The following PTPN5 variants were observed in gnomAD, a reference collection of about 807,000 sequenced individuals.
PTPN5 encodes the protein tyrosine-protein phosphatase non-receptor type 5.
Under a neutral mutation model 73.9 loss-of-function variants are expected in PTPN5, and 29 were observed. The observed-to-expected ratio is 0.39, with a 90% CI of 0.29 to 0.54. PTPN5 has a LOEUF of 0.54. Among genes scored for constraint, PTPN5 ranks in the 20% least tolerant of loss-of-function variants. PTPN5 has a pLI of 0.65. For missense variants in PTPN5, 652 were observed against 751.4 expected, an observed-to-expected ratio of 0.87 and a Z score of 1.55; for synonymous variants, 267 against 304.7, an observed-to-expected ratio of 0.88 and a Z score of 1.29.
chr11:18,771,945 C>T lies in PTPN5; in HGVS notation c.14G>A (p.Gly5Glu), dbSNP rs752519944. ...GGCGTAAACGCTCACTCACCTGGCT[C>T]CCTCATAATTCATTCCCAAGGTGTC... is the stretch of plus-strand genomic sequence containing the variant. Reference protein sequence around the residue: MNYEGARSERENHAA... With the variant: MNYEEARSERENHAA... Residue 5 changes from glycine (G) to glutamate (E), a missense_variant, in exon 2 of 15, where the codon GGA becomes GAA. Gly to Glu is a moderately conservative substitution (Grantham distance 98). Coordinates refer to ENST00000358540, the MANE Select transcript of PTPN5 (RefSeq NM_006906.2). 6.3e-7 allele frequency: 1 copy of T among 1,587,576 alleles called. No homozygotes were observed. Among genetic ancestry groups the T allele is most frequent in the Non-Finnish European group, 8.5e-7 (1 of 1,170,052 alleles).
chr11:18,773,285 A>G (rs1850994164), intron 1 of PTPN5, among the ~76,000 whole-genome samples: 1 of 120,856 alleles, frequency 8.3e-6, no homozygotes, highest in South Asian at 2.9e-4. Flanking sequence ...TAAAAGCTGG[A>G]GCACCTGGGG....
intron 1 of PTPN5, among the ~76,000 whole-genome samples, chr11:18,790,987 G>A (rs1011629759): frequency 6.6e-6 from 1 of 152,180 alleles, no homozygotes; most frequent in South Asian, 2.1e-4. Flanking sequence ...AGGAGCCTGG[G>A]CCTCAACCAG....
At chr11:18,757,597 C>T (rs1273317843) in intron 3 of PTPN5, among the ~76,000 whole-genome samples, 1 of 144,852 alleles carries the variant, frequency 6.9e-6, no homozygotes, top group African/African-American at 2.5e-5. Flanking sequence ...TGTGTGTATT[C>T]CTAGAACTGG....
Position 18,743,095 on chromosome 11 carries a change from C to T in PTPN5, c.400-20G>A. 1 of 1,523,612 alleles carries T rather than the reference C, an allele frequency of 6.6e-7. No homozygotes were observed. Among genetic ancestry groups the T allele is most frequent in the East Asian group, 2.5e-5 (1 of 40,788 alleles). The allele number at this position is 1,523,612 out of a possible 1,614,324, so 94.4% of individuals were successfully genotyped here. Reference sequence around the variant, plus strand: ...CCAGGCCTGGGGAACATCAGATAAACAGGTCAGGGTGGTGGTGGGGGCAGA... The same window carrying T: ...CCAGGCCTGGGGAACATCAGATAAATAGGTCAGGGTGGTGGTGGGGGCAGA... On this transcript the variant is annotated intron_variant, in intron 5 of 14. Transcript: ENST00000358540.
At chr11:18,788,491 A>G (rs183341255) in intron 1 of PTPN5, among the ~76,000 whole-genome samples, 7 of 152,214 alleles carry the variant, frequency 4.6e-5, no homozygotes, top group Non-Finnish European at 1.0e-4. Flanking sequence ...TTCTGTATAT[A>G]TCCTAGAAGT....
In PTPN5 at chr11:18,778,736, T is replaced by C. The variant is rs182973667; in HGVS notation, c.-113-6665A>G. ...CCCTGCTTCCTGTACAGGCTGGCCATGTGCCAATTAAACCTCTTTTCTTTA... is the reference window on the plus strand; with the variant it reads ...CCCTGCTTCCTGTACAGGCTGGCCACGTGCCAATTAAACCTCTTTTCTTTA... On this transcript the variant is annotated intron_variant, in intron 1 of 14. Coordinates refer to ENST00000358540, the MANE Select transcript of PTPN5 (RefSeq NM_006906.2). Among the ~76,000 whole-genome samples the C allele has an allele frequency of 2.0e-5, 3 of 152,316 alleles. No individual in the cohort carries two copies. In the East Asian group the frequency reaches 5.8e-4, roughly 29 times the overall value.
chr11:18,781,980 G>C (rs1428265412), intron 1 of PTPN5, among the ~76,000 whole-genome samples: 3 of 152,218 alleles, frequency 2.0e-5, no homozygotes, highest in Non-Finnish European at 4.4e-5. Context: ...CCGGAGAGGT[G>C]AAAGCACAAG....
chr11:18,740,613 G>C lies in PTPN5; in HGVS notation c.905C>G (p.Ala302Gly). 1 of 1,567,476 alleles carries C rather than the reference G, an allele frequency of 6.4e-7. No individual in the cohort carries two copies. The highest frequency in any genetic ancestry group is 8.6e-7 in the Non-Finnish European group (1 of 1,156,154). ...EKALDPFLLQ[A>G]EFFEIPMNFV... ...CTCAAGGGAACTCACAAAGAATTCCGCCTGCAGCAGGAAAGGGTCCAGGGC... is the reference window on the plus strand; with the variant it reads ...CTCAAGGGAACTCACAAAGAATTCCCCCTGCAGCAGGAAAGGGTCCAGGGC... The change falls in exon 8 of 15, where the codon GCG becomes GGG. Residue 302 changes from alanine to glycine, a missense_variant. Around this residue, in one of 3 missense-constraint regions of PTPN5, gnomAD observed 529 missense variants for 573.9 expected, o/e 0.92. Transcript: ENST00000358540.
At chr11:18,753,658 G>C (rs1331034643) in intron 3 of PTPN5, among the ~76,000 whole-genome samples, 4 of 152,172 alleles carry the variant, frequency 2.6e-5, no homozygotes, top group Non-Finnish European at 5.9e-5. Context: ...TGGTGGTTCT[G>C]CCCTAGGATG....
chr11:18,774,531 G>A (rs370528347), intron 1 of PTPN5, among the ~76,000 whole-genome samples: 2 of 152,254 alleles, frequency 1.3e-5, no homozygotes, highest in South Asian at 4.1e-4. Context: ...GGGGGCTGGA[G>A]GGGGCTTGAG....
chr11:18,742,384 G>C lies in PTPN5; in HGVS notation c.603C>G (p.Ile201Met), dbSNP rs367543231. The change falls in exon 7 of 15, where the codon ATC becomes ATG. Residue 201 changes from isoleucine to methionine, a missense_variant. This residue lies in a region of PTPN5 where 529 missense variants were observed against 573.9 expected (regional missense o/e 0.92). Coordinates refer to ENST00000358540, the MANE Select transcript of PTPN5 (RefSeq NM_006906.2). The surrounding 1 kb of genome is among the most constrained non-coding windows in gnomAD (Gnocchi z 4.1). ...GGTCGAGGTCCAGGAAGTCATCCTCGATCTTCTCCTCCATCCACTCTGAGT... is the reference window on the plus strand; with the variant it reads ...GGTCGAGGTCCAGGAAGTCATCCTCCATCTTCTCCTCCATCCACTCTGAGT... ...FTYSEWMEEK[I>M]EDDFLDLDPV... 5 of 1,614,012 alleles carry C rather than the reference G, an allele frequency of 3.1e-6. No homozygotes were observed. The highest frequency in any genetic ancestry group is 1.1e-5 in the South Asian group (1 of 91,078).
At chr11:18,773,146 A>G (rs1850984852) in intron 1 of PTPN5, among the ~76,000 whole-genome samples, 1 of 148,672 alleles carries the variant, frequency 6.7e-6, no homozygotes, top group Non-Finnish European at 1.5e-5. Context: ...CTCACTTGGA[A>G]TTTTTTCCTT....
chr11:18,743,789 G>T, intron 4 of PTPN5: 1 of 597,958 alleles, frequency 1.7e-6, no homozygotes, highest in South Asian at 2.5e-5. Context: ...GGATTCTTAG[G>T]TTAGGGAGGC....
At chr11:18,740,569 C>T in intron 8 of PTPN5, 34 bp downstream of exon 8, 2 of 1,500,942 alleles carry the variant, frequency 1.3e-6, no homozygotes, top group South Asian at 1.4e-5. Flanking sequence ...CATGGGTCTG[C>T]ACACAGTGGG....
intron 3 of PTPN5, among the ~76,000 whole-genome samples, chr11:18,764,775 C>G (rs113487894): frequency 1.3e-5 from 2 of 152,110 alleles, no homozygotes; most frequent in African/African-American, 4.8e-5. Context: ...TGCAGTGGCG[C>G]GATCTCGGCT....
intron 3 of PTPN5, among the ~76,000 whole-genome samples, chr11:18,748,156 C>T (rs183660443): frequency 2.0e-5 from 3 of 152,218 alleles, no homozygotes; most frequent in South Asian, 2.1e-4. Context: ...TTTCAGGCCT[C>T]GACTCCCACC....
chr11:18,788,018 C>T (rs1851747925), intron 1 of PTPN5, among the ~76,000 whole-genome samples: 1 of 152,174 alleles, frequency 6.6e-6, no homozygotes, highest in Non-Finnish European at 1.5e-5. Flanking sequence ...GCCTCCCACT[C>T]CTCCTCCTAT....
chr11:18,789,359 A>G (rs1048724178), intron 1 of PTPN5, among the ~76,000 whole-genome samples: 2 of 152,098 alleles, frequency 1.3e-5, no homozygotes, highest in African/African-American at 4.8e-5. Flanking sequence ...CAATCCAATG[A>G]TGTTATTTTT....
At chr11:18,748,202 A>G (rs1329028088) in intron 3 of PTPN5, among the ~76,000 whole-genome samples, 1 of 152,184 alleles carries the variant, frequency 6.6e-6, no homozygotes, top group Non-Finnish European at 1.5e-5. Context: ...GATGTAAGAG[A>G]TTGACAGAGT....
Sources: gnomAD v4.1 joint callset for allele counts (sites outside exome capture counted in the v4.1 genomes callset) on GRCh38, gnomAD v4.1.1 for gene constraint, gnomAD v4.1.1 regional missense constraint, Gnocchi (gnomAD v3.1) non-coding constraint, MANE v1.5 for transcripts, NCBI Gene and HGNC (gene_info 2026-07-23, HGNC 2026-07-21) for gene names.